Variants in ALOX5 observed in about 807,000 individuals in gnomAD.
The protein encoded by ALOX5 is arachidonate 5-lipoxygenase.
Under a neutral mutation model 87.9 loss-of-function variants are expected in ALOX5, and 64 were observed. The ratio of observed to expected loss-of-function variants is 0.73; its 90% CI spans 0.60 to 0.90. ALOX5 has a LOEUF of 0.90. ALOX5 is among the 40% of genes least tolerant of loss of function. The pLI is 0.00. For synonymous variants in ALOX5, 388 were observed against 355.1 expected, an observed-to-expected ratio of 1.09 and a Z score of -1.04; for missense variants, 822 against 907.5, an observed-to-expected ratio of 0.91 and a Z score of 1.21.
At chr10:45,380,941 C>G (rs962015471) in intron 1 of ALOX5, among the ~76,000 whole-genome samples, 2 of 152,162 alleles carry the variant, frequency 1.3e-5, no homozygotes, top group African/African-American at 4.8e-5. Flanking sequence ...GACTCCACCT[C>G]AAAATAAAAA....
intron 3 of ALOX5, among the ~76,000 whole-genome samples, chr10:45,396,558 A>G (rs1403657957): frequency 6.6e-6 from 1 of 152,236 alleles, no homozygotes; most frequent in African/African-American, 2.4e-5. Context: ...TCTGAATAAA[A>G]CAATCACAAC....
chr10:45,406,147 C>T (rs1197340915), intron 3 of ALOX5, among the ~76,000 whole-genome samples: 1 of 152,188 alleles, frequency 6.6e-6, no homozygotes, highest in Non-Finnish European at 1.5e-5. Flanking sequence ...CCTCACTTCC[C>T]TCATCTGTAA....
At chr10:45,394,186 G>A (rs1163403848) in intron 2 of ALOX5, among the ~76,000 whole-genome samples, 1 of 152,170 alleles carries the variant, frequency 6.6e-6, no homozygotes, top group Non-Finnish European at 1.5e-5. Context: ...GAGGCATCAT[G>A]CTACCTGACT....
At chr10:45,436,750 A>G (rs140738350) in intron 7 of ALOX5, among the ~76,000 whole-genome samples, 3 of 152,184 alleles carry the variant, frequency 2.0e-5, no homozygotes, top group Admixed American at 2.0e-4. Context: ...TTTTGGTTCC[A>G]TATGAATTTT....
Position 45,443,620 on chromosome 10 carries a change from G to A in ALOX5, c.1573+83G>A. On this transcript the variant is annotated intron_variant, in intron 11 of 13. Transcript: ENST00000374391. ...CTCCGCCACCCCTCCGGGGTGTCCT[G>A]CCCAGGGTGCCCTCCGGCCTTGGGG... The A allele has an allele frequency of 1.9e-6, 3 of 1,596,200 alleles. No individual in the cohort carries two copies. The South Asian group carries it at 3.4e-5, about 18-fold the overall frequency.
At chr10:45,403,822 G>A (rs777220639) in intron 3 of ALOX5, among the ~76,000 whole-genome samples, 34 of 152,254 alleles carry the variant, frequency 2.2e-4, no homozygotes, top group South Asian at 6.2e-4. Flanking sequence ...CACACGTTGT[G>A]CTTGAGCTCT....
intron 2 of ALOX5, among the ~76,000 whole-genome samples, chr10:45,393,249 T>A (rs1840361005): frequency 6.6e-6 from 1 of 152,138 alleles, no homozygotes; most frequent in African/African-American, 2.4e-5. Flanking sequence ...AAAAAGCTTA[T>A]CCACCAGGAT....
chr10:45,407,727 A>AT (rs1840934017), intron 3 of ALOX5, among the ~76,000 whole-genome samples: 1 of 152,220 alleles, frequency 6.6e-6, no homozygotes, highest in African/African-American at 2.4e-5. Flanking sequence ...ATAAGAGAAC[A>AT]TAGATAAAGT....
chr10:45,421,235 A>G (rs892753354), intron 4 of ALOX5, among the ~76,000 whole-genome samples: 5 of 152,222 alleles, frequency 3.3e-5, no homozygotes, highest in African/African-American at 1.2e-4. Context: ...ACTTCTTCCT[A>G]CATCTGTGGC....
intron 13 of ALOX5, chr10:45,444,941 T>C (rs1842389597): frequency 6.5e-6 from 1 of 154,242 alleles, no homozygotes; most frequent in Admixed American, 6.5e-5. Context: ...ATAGCCTATG[T>C]TTCTTGGACC....
chr10:45,418,690 A>C (rs60449178), intron 4 of ALOX5, among the ~76,000 whole-genome samples: 2,510 of 152,248 alleles, frequency 0.016, 67 homozygotes, highest in African/African-American at 0.057. Flanking sequence ...AGGGGGCTGC[A>C]GCGGAGAGAG....
intron 4 of ALOX5, among the ~76,000 whole-genome samples, chr10:45,423,033 G>A (rs535586831): frequency 5.9e-4 from 90 of 152,272 alleles, no homozygotes; most frequent in African/African-American, 1.9e-3. Flanking sequence ...TCGTGACCTC[G>A]TCTAACCCTA....
intron 5 of ALOX5, 78 bp from the exon 6 acceptor site, chr10:45,424,882 T>C: frequency 6.4e-7 from 1 of 1,555,060 alleles, no homozygotes; most frequent in Non-Finnish European, 8.8e-7. Context: ...ACTCTGCTCT[T>C]AGGTGAGGTC....
chr10:45,397,457 A>T (rs1369742007), intron 3 of ALOX5, among the ~76,000 whole-genome samples: 1 of 152,210 alleles, frequency 6.6e-6, no homozygotes, highest in Non-Finnish European at 1.5e-5. Context: ...CAGGATAAAG[A>T]TGTTCACTTT....
At chr10:45,420,454 T>C in intron 4 of ALOX5, among the ~76,000 whole-genome samples, 1 of 152,258 alleles carries the variant, frequency 6.6e-6, no homozygotes, top group South Asian at 2.1e-4. Flanking sequence ...TTGGAAAACA[T>C]TGCAAACTCT....
chr10:45,419,728 G>C (rs1841435183), intron 4 of ALOX5, among the ~76,000 whole-genome samples: 1 of 69,372 alleles, frequency 1.4e-5, no homozygotes, highest in Non-Finnish European at 3.0e-5. Flanking sequence ...GGCAGAGTGA[G>C]ACCCTGTTTC....
chr10:45,386,930 A>T (rs1035687334), intron 2 of ALOX5, among the ~76,000 whole-genome samples: 3 of 152,234 alleles, frequency 2.0e-5, no homozygotes, highest in African/African-American at 7.2e-5. Context: ...AGACGGCAGC[A>T]GGACAGGCTG....
chr10:45,392,555 G>A (rs1263776679), intron 2 of ALOX5, among the ~76,000 whole-genome samples: 1 of 151,910 alleles, frequency 6.6e-6, no homozygotes, highest in African/African-American at 2.4e-5. Context: ...CAAGTACCCA[G>A]GGACACAAAC....
chr10:45,400,384 G>A (rs1249980948), intron 3 of ALOX5, among the ~76,000 whole-genome samples: 1 of 151,962 alleles, frequency 6.6e-6, no homozygotes, highest in Non-Finnish European at 1.5e-5. Context: ...CAGATCACTT[G>A]AGGTCAGGAG....
Sources: gnomAD v4.1 joint callset for allele counts (sites outside exome capture counted in the v4.1 genomes callset) on GRCh38, gnomAD v4.1.1 for gene constraint, MANE v1.5 for transcripts, NCBI Gene and HGNC (gene_info 2026-07-23, HGNC 2026-07-21) for gene names.